UBE2QL1: variants seen among roughly 807,000 people sequenced by gnomAD.
UBE2QL1 encodes the protein ubiquitin-conjugating enzyme E2Q-like protein 1.
Under a neutral mutation model 12.6 loss-of-function variants are expected in UBE2QL1, and 5 were observed. That is an observed-to-expected ratio of 0.40 (90% CI 0.21 to 0.83). UBE2QL1 has a LOEUF of 0.83. Among genes scored for constraint, UBE2QL1 ranks in the 40% least tolerant of loss-of-function variants. The pLI is 0.37. For synonymous variants in UBE2QL1, 96 were observed against 94.5 expected, an observed-to-expected ratio of 1.02 and a Z score of -0.10; for missense variants, 99 against 222.6, an observed-to-expected ratio of 0.44 and a Z score of 3.53.
chr5:6,483,560 C>G (rs1159332970), intron 1 of UBE2QL1, among the ~76,000 whole-genome samples: 1 of 152,192 alleles, frequency 6.6e-6, no homozygotes, highest in Non-Finnish European at 1.5e-5. Context: ...CTGAGGACAC[C>G]GCATCACCTG....
At chr5:6,467,172 T>G (rs1471546476) in intron 1 of UBE2QL1, among the ~76,000 whole-genome samples, 1 of 152,042 alleles carries the variant, frequency 6.6e-6, no homozygotes, top group Admixed American at 6.6e-5. Flanking sequence ...TCTGCCTCCC[T>G]CCCTCCCTGC....
intron 1 of UBE2QL1, among the ~76,000 whole-genome samples, chr5:6,489,972 G>A (rs1226389468): frequency 2.0e-5 from 3 of 152,212 alleles, no homozygotes; most frequent in Non-Finnish European, 4.4e-5. Flanking sequence ...AATTCTGTTC[G>A]CGAAGGTTCC....
rs960075167 is a variant in UBE2QL1, at chr5:6,479,432, C to A, written c.355-11786C>A. ...GACAGAGCTGACTTCAACTTAGGGG[C>A]GACTTCAGTAAGAAAGTGGGGGGTC... On this transcript the variant is annotated intron_variant, in intron 1 of 1. Coordinates refer to ENST00000399816, the MANE Select transcript of UBE2QL1 (RefSeq NM_001145161.3). The surrounding 1 kb of genome is among the most constrained non-coding windows in gnomAD (Gnocchi z 4.2). 2.6e-5 allele frequency among the ~76,000 whole-genome samples: 4 copies of A among 152,014 alleles called. No individual in the cohort carries two copies. The highest frequency in any genetic ancestry group is 5.9e-5 in the Non-Finnish European group (4 of 68,018).
intron 1 of UBE2QL1, among the ~76,000 whole-genome samples, chr5:6,469,576 G>A (rs1579294220): frequency 6.7e-6 from 1 of 148,188 alleles, no homozygotes; most frequent in African/African-American, 2.5e-5. Flanking sequence ...GTGTGTGTGT[G>A]TGTATATATA....
rs184561093 is a variant in UBE2QL1 at position 6,481,168 on chromosome 5, C to T, written c.355-10050C>T. ...ACCTGTGCACGCTTCGTTGTGGCTG[C>T]ACCTGCCCTAATTCCCCGTTTCTAG... On this transcript the variant is annotated intron_variant, in intron 1 of 1. Coordinates refer to ENST00000399816, the MANE Select transcript of UBE2QL1 (RefSeq NM_001145161.3). This position sits in a 1 kb window ranked among gnomAD's most constrained non-coding sequence, Gnocchi z 4.5. 9.3e-4 allele frequency among the ~76,000 whole-genome samples: 141 copies of T among 152,272 alleles called. No individual in the cohort carries two copies. The highest frequency in any genetic ancestry group is 3.3e-3 in the African/African-American group (136 of 41,552).
At chr5:6,449,630 CTT>C (rs965682809) in intron 1 of UBE2QL1, among the ~76,000 whole-genome samples, 12 of 151,854 alleles carry the variant, frequency 7.9e-5, no homozygotes, top group Non-Finnish European at 1.5e-4. Context: ...CTCCTGGACT[CTT>C]TCTCCTCTCA....
chr5:6,467,217 C>T (rs1327637042), intron 1 of UBE2QL1, among the ~76,000 whole-genome samples: 1 of 152,098 alleles, frequency 6.6e-6, no homozygotes, highest in Non-Finnish European at 1.5e-5. Context: ...TTTCCTCCTT[C>T]CATTCAGCTG....
chr5:6,449,219 A>T lies in UBE2QL1; in HGVS notation c.326A>T (p.Gln109Leu). 6.8e-7 allele frequency: 1 copy of T among 1,465,818 alleles called. No homozygotes were observed. The highest frequency in any genetic ancestry group is 9.1e-7 in the Non-Finnish European group (1 of 1,103,896). The allele number at this position is 1,465,818 out of a possible 1,614,324, so 90.8% of individuals were successfully genotyped here. ...TACACCGTGGAGGCCGTCATGCGCC[A>T]GTTCGCAGCCAGCCTGGTCAAGGGC... ...SAYTVEAVMRQFAASLVKGQG... is the reference protein window; with the variant it reads ...SAYTVEAVMRLFAASLVKGQG... The change falls in exon 1 of 2, where the codon CAG becomes CTG. Residue 109 changes from glutamine (Q) to leucine (L), a missense_variant. Physicochemically the swap from Gln to Leu is moderately radical, Grantham distance 113. Transcript: ENST00000399816.
chr5:6,490,250 G>A (rs138854562), intron 1 of UBE2QL1, among the ~76,000 whole-genome samples: 2 of 152,306 alleles, frequency 1.3e-5, no homozygotes, highest in East Asian at 3.9e-4. Context: ...TCCAACTGAG[G>A]CCAGCATCAC....
In UBE2QL1 at chr5:6,481,158, G is replaced by A. The variant is rs151272037; in HGVS notation, c.355-10060G>A. Among the ~76,000 whole-genome samples the A allele has an allele frequency of 1.7e-3, 261 of 152,192 alleles. 3 individuals carry two copies. The highest frequency in any genetic ancestry group is 0.01 in the Middle Eastern group (3 of 294). On this transcript the variant is annotated intron_variant, in intron 1 of 1. Coordinates refer to ENST00000399816, the MANE Select transcript of UBE2QL1 (RefSeq NM_001145161.3). The surrounding 1 kb of genome is among the most constrained non-coding windows in gnomAD (Gnocchi z 4.5). The stretch of plus-strand genomic sequence containing the variant: ...GGGCCATTTCACCTGTGCACGCTTC[G>A]TTGTGGCTGCACCTGCCCTAATTCC...
chr5:6,463,551 G>A (rs376789432), intron 1 of UBE2QL1, among the ~76,000 whole-genome samples: 18 of 151,658 alleles, frequency 1.2e-4, no homozygotes, highest in East Asian at 7.7e-4. Context: ...GAGCGAGACC[G>A]TGGTCCGAAG....
intron 1 of UBE2QL1, among the ~76,000 whole-genome samples, chr5:6,461,540 A>ACCCCCCC (rs71606052): frequency 5.1e-4 from 24 of 46,816 alleles, no homozygotes; most frequent in South Asian, 8.6e-4. Context: ...TTCAGCACCC[A>ACCCCCCC]CCACCCCCCC....
At position 6,448,865 on chromosome 5, in the gene UBE2QL1, A is replaced by G; in HGVS notation, c.-29A>G. 2 of 1,391,746 alleles carry G rather than the reference A, an allele frequency of 1.4e-6. No homozygotes were observed. The highest frequency in any genetic ancestry group is 3.0e-5 in the East Asian group (1 of 32,920). The allele number at this position is 1,391,746 out of a possible 1,614,324, so 86.2% of individuals were successfully genotyped here. ...CTGGTCCCCGCGGCGCGCCAGCAAC[A>G]CTGCACGCAGGTGCGCAGCCGGCGG... On this transcript the variant is annotated 5_prime_UTR_variant, in exon 1 of 2. Coordinates refer to ENST00000399816, the MANE Select transcript of UBE2QL1 (RefSeq NM_001145161.3).
At chr5:6,466,758 A>G (rs1416390046) in intron 1 of UBE2QL1, among the ~76,000 whole-genome samples, 7 of 152,254 alleles carry the variant, frequency 4.6e-5, no homozygotes, top group Admixed American at 4.6e-4. Flanking sequence ...CTCCGGCCCT[A>G]CATACATCAT....
At chr5:6,461,419 T>C (rs1482238749) in intron 1 of UBE2QL1, among the ~76,000 whole-genome samples, 1 of 152,100 alleles carries the variant, frequency 6.6e-6, no homozygotes, top group Admixed American at 6.5e-5. Context: ...CTCCAGGATT[T>C]CTACGCTGTT....
intron 1 of UBE2QL1, among the ~76,000 whole-genome samples, chr5:6,458,087 A>C (rs78542833): frequency 6.6e-6 from 1 of 152,258 alleles, no homozygotes; most frequent in Non-Finnish European, 1.5e-5. Context: ...ATGAAAGGGA[A>C]AGGCATTTTA....
chr5:6,477,398 G>A (rs7716744), intron 1 of UBE2QL1, among the ~76,000 whole-genome samples: 12,725 of 151,658 alleles, frequency 0.084, 675 homozygotes, highest in Non-Finnish European at 0.12. Context: ...AGGTGTGCCC[G>A]GAGGTCAGCC....
At chr5:6,486,411 CT>C (rs561435990) in intron 1 of UBE2QL1, among the ~76,000 whole-genome samples, 84 of 152,234 alleles carry the variant, frequency 5.5e-4, no homozygotes, top group African/African-American at 1.9e-3. Context: ...CATTTCACAC[CT>C]TCAATTTGGG....
rs1440810296 is a variant in UBE2QL1 at position 6,494,320 on chromosome 5, C to T, written c.*2971C>T. The T allele has an allele frequency of 6.6e-6, 1 of 152,224 alleles. No homozygotes were observed. Among genetic ancestry groups the T allele is most frequent in the East Asian group, 1.9e-4 (1 of 5,198 alleles). The allele number at this position is 152,224 out of a possible 1,614,324, so 9.4% of individuals were successfully genotyped here. On this transcript the variant is annotated 3_prime_UTR_variant, in exon 2 of 2. Coordinates refer to ENST00000399816, the MANE Select transcript of UBE2QL1 (RefSeq NM_001145161.3). ...TTCCCCCTAGTTACACACACACGCA[C>T]ATGTGCCAATACTCCTGCAAAGACT...
Sources: allele counts gnomAD v4.1 joint callset (sites outside exome capture counted in the v4.1 genomes callset), GRCh38; gene constraint gnomAD v4.1.1; non-coding constraint Gnocchi (gnomAD v3.1); transcripts MANE v1.5; gene names NCBI Gene and HGNC (gene_info 2026-07-23, HGNC 2026-07-21).